The following MYO18B variants were observed in gnomAD, a reference collection of about 807,000 sequenced individuals.
The protein encoded by MYO18B is unconventional myosin-XVIIIb.
In MYO18B, 204 loss-of-function variants were observed where a neutral mutation model predicts 273.0. The observed-to-expected ratio is 0.75, with a 90% CI of 0.67 to 0.84. The LOEUF is 0.84. MYO18B is among the 40% of genes least tolerant of loss of function. The probability of loss-of-function intolerance (pLI) is 0.00; values close to 1 mark genes in which losing one functional copy is unlikely to be tolerated. For missense variants in MYO18B, 3,212 were observed against 3,287.6 expected, an observed-to-expected ratio of 0.98 and a Z score of 0.56; for synonymous variants, 1,330 against 1,305.7, an observed-to-expected ratio of 1.02 and a Z score of -0.40.
At chr22:25,889,206 G>A (rs746988309) in intron 25 of MYO18B, among the ~76,000 whole-genome samples, 6 of 151,940 alleles carry the variant, frequency 3.9e-5, no homozygotes, top group Non-Finnish European at 5.9e-5. Flanking sequence ...ATAGATCTGC[G>A]TCTTCCTTCT....
chr22:25,819,522 G>GCTAATTTCC (rs142493822), intron 12 of MYO18B, among the ~76,000 whole-genome samples: 4,819 of 151,952 alleles, frequency 0.032, 136 homozygotes, highest in East Asian at 0.12. Flanking sequence ...TCTAATATTT[G>GCTAATTTCC]CTTCTTAACA....
chr22:25,914,842 G>A (rs1431520603), intron 33 of MYO18B, among the ~76,000 whole-genome samples: 2 of 151,028 alleles, frequency 1.3e-5, no homozygotes, highest in South Asian at 2.1e-4. Flanking sequence ...GACTACAGGC[G>A]CCTGCCACCA....
chr22:25,846,306 G>T lies in MYO18B; in HGVS notation c.3552+23G>T, dbSNP rs773245567. 3 of 1,608,052 alleles carry T rather than the reference G, an allele frequency of 1.9e-6. No homozygotes were observed. In the South Asian group the frequency reaches 3.3e-5, roughly 18 times the overall value. On this transcript the variant is annotated intron_variant, in intron 19 of 43. Coordinates refer to ENST00000335473, the MANE Select transcript of MYO18B (RefSeq NM_032608.7). Reference sequence around the variant, plus strand: ...ATGGTGAGTGGGCACCCTGTCTCATGGTGTCCTGGCCTTCACTGCCTCCAT... The same window carrying T: ...ATGGTGAGTGGGCACCCTGTCTCATTGTGTCCTGGCCTTCACTGCCTCCAT...
intron 39 of MYO18B, among the ~76,000 whole-genome samples, chr22:25,981,013 A>T (rs541505717): frequency 1.3e-5 from 2 of 152,164 alleles, no homozygotes; most frequent in East Asian, 3.9e-4. Context: ...CTAATCCTCA[A>T]TCTTTATGTG....
chr22:25,802,752 C>CA (rs1199331535), intron 12 of MYO18B, among the ~76,000 whole-genome samples: 980 of 21,474 alleles, frequency 0.046, 19 homozygotes, highest in African/African-American at 0.083. Context: ...GACTCTGTCT[C>CA]AAAAAAAAAA....
chr22:25,868,417 C>G (rs1398862041), intron 22 of MYO18B, 32 bp downstream of exon 22: 3 of 1,553,590 alleles, frequency 1.9e-6, no homozygotes, highest in African/African-American at 1.4e-5. Context: ...CAACATTCGC[C>G]CATCACATCA....
chr22:26,042,153 C>T, the MYO18B span, among the ~76,000 whole-genome samples: 253 of 152,354 alleles, frequency 1.7e-3, no homozygotes, highest in African/African-American at 5.8e-3. Flanking sequence ...CCTGGGTTCA[C>T]TCCCCCACCA....
chr22:25,890,846 C>A lies in MYO18B; in HGVS notation c.4405C>A (p.Gln1469Lys). The change falls in exon 26 of 44, where the codon CAG (glutamine) becomes AAG (lysine). Residue 1469 changes from glutamine to lysine, a missense_variant. By Grantham distance (53) the Gln-to-Lys change is moderately conservative. Transcript: ENST00000335473. ...VLESERAERL[Q>K]AFREVQELKS... The stretch of plus-strand genomic sequence containing the variant: ...GGAGAGTGAGCGGGCAGAGCGGCTA[C>A]AGGCCTTCCGGGAGGTCCAGGAGCT... 6.2e-7 allele frequency: 1 copy of A among 1,613,862 alleles called. No homozygotes were observed. The highest frequency in any genetic ancestry group is 8.5e-7 in the Non-Finnish European group (1 of 1,179,866).
chr22:25,799,718 T>C (rs999105416), intron 12 of MYO18B, among the ~76,000 whole-genome samples: 1 of 152,192 alleles, frequency 6.6e-6, no homozygotes, highest in Non-Finnish European at 1.5e-5. Context: ...TCTCATCCAT[T>C]TGAGCCACAT....
chr22:25,935,596 G>GA (rs5844661), intron 34 of MYO18B, among the ~76,000 whole-genome samples: 73 of 139,648 alleles, frequency 5.2e-4, no homozygotes, highest in South Asian at 1.9e-3. Flanking sequence ...GAAAAGAAGA[G>GA]AAAAAAAAAA....
intron 42 of MYO18B, among the ~76,000 whole-genome samples, chr22:26,019,286 A>G (rs1340310634): frequency 2.0e-5 from 3 of 152,240 alleles, no homozygotes; most frequent in Non-Finnish European, 4.4e-5. Context: ...AAAGGGCAGT[A>G]GAGCAGAGCA....
At chr22:26,002,012 A>G (rs1257638074) in intron 40 of MYO18B, among the ~76,000 whole-genome samples, 1 of 152,212 alleles carries the variant, frequency 6.6e-6, no homozygotes, top group Non-Finnish European at 1.5e-5. Context: ...GTGTTCCAAT[A>G]AAACTTTTTC....
intron 21 of MYO18B, among the ~76,000 whole-genome samples, chr22:25,867,227 C>T (rs1215655170): frequency 1.3e-5 from 2 of 152,210 alleles, no homozygotes; most frequent in African/African-American, 4.8e-5. Flanking sequence ...TCCATCTGCA[C>T]AACGCTCTTC....
intron 15 of MYO18B, 38 bp downstream of exon 15, chr22:25,829,006 C>T (rs372251483): frequency 2.9e-5 from 47 of 1,602,646 alleles, no homozygotes; most frequent in Admixed American, 2.7e-4. Flanking sequence ...ACCAGAGCTC[C>T]GTGGATGGTG....
chr22:26,023,022 T>C (rs1247518139), intron 42 of MYO18B, among the ~76,000 whole-genome samples: 1 of 152,246 alleles, frequency 6.6e-6, no homozygotes, highest in Non-Finnish European at 1.5e-5. Flanking sequence ...CTCGCCTTTT[T>C]GTTAAAGCCA....
intron 12 of MYO18B, among the ~76,000 whole-genome samples, chr22:25,805,109 C>G (rs1245209150): frequency 6.6e-6 from 1 of 152,194 alleles, no homozygotes; most frequent in Admixed American, 6.5e-5. Context: ...GTGCCCAGCT[C>G]TCAGTGGGGA....
chr22:25,983,117 T>G (rs2093166252), intron 39 of MYO18B, among the ~76,000 whole-genome samples: 1 of 152,142 alleles, frequency 6.6e-6, no homozygotes, highest in African/African-American at 2.4e-5. Context: ...ACACCTCTAA[T>G]CCCAACAGTG....
At chr22:25,916,716 A>G (rs2092266049) in intron 33 of MYO18B, among the ~76,000 whole-genome samples, 1 of 152,280 alleles carries the variant, frequency 6.6e-6, no homozygotes, top group African/African-American at 2.4e-5. Context: ...TTGTTGCTCT[A>G]GTTATTGGTA....
chr22:25,984,399 A>G (rs1224458970), intron 39 of MYO18B, among the ~76,000 whole-genome samples: 1 of 152,208 alleles, frequency 6.6e-6, no homozygotes, highest in African/African-American at 2.4e-5. Flanking sequence ...ATACTCACCA[A>G]TCTTTAAGGA....
Sources: allele counts gnomAD v4.1 joint callset (sites outside exome capture counted in the v4.1 genomes callset), GRCh38; gene constraint gnomAD v4.1.1; transcripts MANE v1.5; gene names NCBI Gene and HGNC (gene_info 2026-07-23, HGNC 2026-07-21).